CSMD1: variants seen among roughly 807,000 people sequenced by gnomAD.
CSMD1 encodes CUB and sushi domain-containing protein 1.
In CSMD1, 213 loss-of-function variants were observed where a neutral mutation model predicts 417.5. The ratio of observed to expected loss-of-function variants is 0.51; its 90% CI spans 0.46 to 0.57. The LOEUF is 0.57. Ranked by LOEUF, CSMD1 falls within the 20% of genes least tolerant of loss-of-function variation. CSMD1 has a pLI of 0.00. For missense variants in CSMD1, 6,923 were observed against 4,529.7 expected, an observed-to-expected ratio of 1.53 and a Z score of -15.17; for synonymous variants, 2,862 against 1,736.8, an observed-to-expected ratio of 1.65 and a Z score of -16.11.
intron 2 of CSMD1, among the ~76,000 whole-genome samples, chr8:4,558,992 T>C (rs113629326): frequency 6.6e-6 from 1 of 152,202 alleles, no homozygotes; most frequent in Non-Finnish European, 1.5e-5. Context: ...TAAGGCAGTA[T>C]TGTTTCTTGA....
chr8:2,945,349 G>A (rs907510307), intron 68 of CSMD1, among the ~76,000 whole-genome samples: 3 of 152,114 alleles, frequency 2.0e-5, no homozygotes, highest in African/African-American at 7.2e-5. Flanking sequence ...TGGCATATAT[G>A]AATCAGATTT....
At chr8:3,241,238 A>G (rs1390894050) in intron 26 of CSMD1, among the ~76,000 whole-genome samples, 1 of 150,838 alleles carries the variant, frequency 6.6e-6, no homozygotes, top group Non-Finnish European at 1.5e-5. Context: ...TGCTTAAAAG[A>G]GTATTGTCTA....
chr8:4,349,281 T>G (rs894203704), intron 3 of CSMD1, among the ~76,000 whole-genome samples: 2 of 152,178 alleles, frequency 1.3e-5, no homozygotes, highest in African/African-American at 4.8e-5. Context: ...AAAACAATTT[T>G]TGCAGCAGTG....
At chr8:4,295,715 A>T (rs1797639126) in intron 3 of CSMD1, among the ~76,000 whole-genome samples, 1 of 141,476 alleles carries the variant, frequency 7.1e-6, no homozygotes, top group Non-Finnish European at 1.5e-5. Context: ...TTGTGTTAAA[A>T]TTATATATAT....
At position 4,510,390 on chromosome 8, in the gene CSMD1, T is replaced by TAAAA. The variant is rs34791623; in HGVS notation, c.303-90329_303-90326dup. On this transcript the variant is annotated intron_variant, in intron 2 of 69. Coordinates refer to ENST00000635120, the MANE Select transcript of CSMD1 (RefSeq NM_033225.6). ...GTAGACAATTAAAAAGCATAATGCC[T>TAAAA]AAAAAAAAAAAAAAAAAAAAAAAAA... 1.2e-3 allele frequency among the ~76,000 whole-genome samples: 67 copies of TAAAA among 54,618 alleles called. 1 individual carries two copies. Among genetic ancestry groups the TAAAA allele is most frequent in the African/African-American group, 3.9e-3 (50 of 12,940 alleles). 35.8% of individuals were successfully genotyped at this position (54,618 alleles called of 152,430 possible).
chr8:4,467,802 G>A (rs898569372), intron 2 of CSMD1, among the ~76,000 whole-genome samples: 1 of 152,136 alleles, frequency 6.6e-6, no homozygotes, highest in African/African-American at 2.4e-5. Context: ...TATGGGGAAA[G>A]AACTAGTGAA....
At chr8:4,032,133 A>T (rs775426020) in intron 3 of CSMD1, 34 bp from the exon 4 acceptor site, 2 of 1,545,296 alleles carry the variant, frequency 1.3e-6, no homozygotes, top group Admixed American at 1.8e-5. Context: ...AGAAAAAACA[A>T]GTTAAATTTT....
chr8:3,219,228 C>G, intron 29 of CSMD1, 27 bp downstream of exon 29: 6 of 1,551,244 alleles, frequency 3.9e-6, no homozygotes, highest in Non-Finnish European at 5.3e-6. Flanking sequence ...AAATTAATTC[C>G]CACTCAAATT....
intron 1 of CSMD1, among the ~76,000 whole-genome samples, chr8:4,969,743 C>A (rs1423542918): frequency 2.0e-5 from 3 of 151,982 alleles, no homozygotes. Flanking sequence ...GCACTATGCT[C>A]CACTGTTTTG....
intron 3 of CSMD1, among the ~76,000 whole-genome samples, chr8:4,296,822 T>C (rs77015919): frequency 0.063 from 9,579 of 151,058 alleles, 386 homozygotes; most frequent in South Asian, 0.12. Context: ...TGTATTCATC[T>C]GAAGATATCT....
intron 11 of CSMD1, among the ~76,000 whole-genome samples, chr8:3,476,060 G>A (rs1451725755): frequency 1.3e-5 from 2 of 152,170 alleles, no homozygotes; most frequent in African/African-American, 4.8e-5. Flanking sequence ...CATGTGTTAA[G>A]GGCTGGAGGT....
At chr8:3,297,028 A>C (rs1804023189) in intron 25 of CSMD1, among the ~76,000 whole-genome samples, 1 of 152,216 alleles carries the variant, frequency 6.6e-6, no homozygotes, top group African/African-American at 2.4e-5. Context: ...TAGGTGGAGA[A>C]TAGAAGAGGA....
chr8:3,483,262 G>C (rs537042334), intron 11 of CSMD1, among the ~76,000 whole-genome samples: 3 of 152,006 alleles, frequency 2.0e-5, no homozygotes, highest in Non-Finnish European at 4.4e-5. Context: ...GAGAGAGATA[G>C]AAGGGAACAA....
chr8:4,540,474 C>G (rs1214043163), intron 2 of CSMD1, among the ~76,000 whole-genome samples: 2 of 152,092 alleles, frequency 1.3e-5, no homozygotes, highest in African/African-American at 4.8e-5. Context: ...GAGGCTGAGG[C>G]AGGAGAATGG....
Position 3,707,037 on chromosome 8 carries a change from G to T in CSMD1, c.1009+1377C>A, listed in dbSNP as rs571626986. ...AGTGGGAGACACCTAAGACCAGAGG[G>T]GTAGTCAGAGTATGGTAGCTCCTCT... is the stretch of plus-strand genomic sequence containing the variant. On this transcript the variant is annotated intron_variant, in intron 7 of 69. Transcript: ENST00000635120. Among the ~76,000 whole-genome samples the T allele has an allele frequency of 3.3e-5, 5 of 151,994 alleles. No individual in the cohort carries two copies. The East Asian group carries it at 7.8e-4, about 24-fold the overall frequency.
intron 42 of CSMD1, among the ~76,000 whole-genome samples, chr8:3,113,571 T>C (rs1816667513): frequency 6.6e-6 from 1 of 152,224 alleles, no homozygotes; most frequent in Admixed American, 6.5e-5. Context: ...ATGGGAAACA[T>C]GCCCAGGTAC....
At chr8:3,836,946 G>A (rs923992814) in intron 5 of CSMD1, among the ~76,000 whole-genome samples, 2 of 150,852 alleles carry the variant, frequency 1.3e-5, no homozygotes, top group African/African-American at 2.4e-5. Context: ...ACTAAAGTTG[G>A]CAAAAATAAA....
At chr8:4,694,611 C>A (rs937464401) in intron 1 of CSMD1, among the ~76,000 whole-genome samples, 1 of 151,982 alleles carries the variant, frequency 6.6e-6, no homozygotes, top group African/African-American at 2.4e-5. Flanking sequence ...GACCTGCCCA[C>A]CTCAGCCTTC....
intron 5 of CSMD1, among the ~76,000 whole-genome samples, chr8:3,967,285 G>C (rs567349182): frequency 6.6e-6 from 1 of 151,580 alleles, no homozygotes; most frequent in Non-Finnish European, 1.5e-5. Flanking sequence ...TACTGTTCTT[G>C]TTCCCTTTGT....
Sources: gnomAD v4.1 joint callset for allele counts (sites outside exome capture counted in the v4.1 genomes callset) on GRCh38, gnomAD v4.1.1 for gene constraint, MANE v1.5 for transcripts, NCBI Gene and HGNC (gene_info 2026-07-23, HGNC 2026-07-21) for gene names.